Variants in CLPB observed in about 807,000 individuals in gnomAD.
CLPB encodes the protein mitochondrial disaggregase.
A neutral mutation model predicts 78.4 loss-of-function variants in CLPB; 40 were observed. The observed-to-expected ratio is 0.51, with a 90% CI of 0.40 to 0.66. The LOEUF (loss-of-function observed/expected upper bound fraction) is 0.66. CLPB is among the 30% of genes least tolerant of loss of function. The pLI is 0.00. For synonymous variants in CLPB, 333 were observed against 348.0 expected, an observed-to-expected ratio of 0.96 and a Z score of 0.48; for missense variants, 780 against 886.9, an observed-to-expected ratio of 0.88 and a Z score of 1.53.
rs571964389 is a variant in CLPB at position 72,362,712 on chromosome 11, G to T, written c.647-3704C>A. ...GATTAAATGAGACACTATGAATAAA[G>T]GGGCTGGGTACAGTGCCTAGCATAT... On this transcript the variant is annotated intron_variant, in intron 4 of 15. Transcript: ENST00000538039. 2.6e-5 allele frequency among the ~76,000 whole-genome samples: 4 copies of T among 152,290 alleles called. No homozygotes were observed. The South Asian group carries it at 6.2e-4, about 24-fold the overall frequency.
chr11:72,371,030 C>T (rs60136722), intron 4 of CLPB, among the ~76,000 whole-genome samples: 2,794 of 152,238 alleles, frequency 0.018, 90 homozygotes, highest in African/African-American at 0.064. Flanking sequence ...CGTCTATCAG[C>T]GTGAAACATA....
At chr11:72,348,804 C>T (rs1031767405) in intron 5 of CLPB, among the ~76,000 whole-genome samples, 1 of 152,158 alleles carries the variant, frequency 6.6e-6, no homozygotes, top group Non-Finnish European at 1.5e-5. Context: ...TCTTGGCATG[C>T]CTAGTACCCA....
chr11:72,353,706 C>T (rs1416272526), intron 5 of CLPB, among the ~76,000 whole-genome samples: 2 of 152,108 alleles, frequency 1.3e-5, no homozygotes, highest in African/African-American at 4.8e-5. Flanking sequence ...GGAAAGACTT[C>T]AGAAGGAAGG....
intron 4 of CLPB, among the ~76,000 whole-genome samples, chr11:72,374,479 A>C (rs1164263132): frequency 6.6e-6 from 1 of 152,166 alleles, no homozygotes; most frequent in East Asian, 1.9e-4. Flanking sequence ...GAAAGCAAAG[A>C]ACAATCAGGC....
At position 72,418,869 on chromosome 11, in the gene CLPB, A is replaced by T. The variant is rs555427661; in HGVS notation, c.455+11443T>A. ...ACTCCATCTCCAAAAAAAAAAAAAAAAAAGAAAAGAAAAGAAATCCACTTG... is the reference window on the plus strand; with the variant it reads ...ACTCCATCTCCAAAAAAAAAAAAAATAAAGAAAAGAAAAGAAATCCACTTG... On this transcript the variant is annotated intron_variant, in intron 2 of 15. Coordinates refer to ENST00000538039, the MANE Select transcript of CLPB (RefSeq NM_001258392.3). 4.6e-5 allele frequency among the ~76,000 whole-genome samples: 7 copies of T among 151,728 alleles called. No homozygotes were observed. The East Asian group carries it at 1.4e-3, about 29-fold the overall frequency.
chr11:72,331,670 G>C lies in CLPB; in HGVS notation c.776-1866C>G, dbSNP rs117015744. ...GTTCACTGCAACCTCCACCTCCTGG[G>C]ATCAAGCTATTCTCCACCTCAGCCT... On this transcript the variant is annotated intron_variant, in intron 5 of 15. Transcript: ENST00000538039. Among the ~76,000 whole-genome samples the C allele has an allele frequency of 2.7e-3, 400 of 148,652 alleles. 13 individuals are homozygous for C. The South Asian group carries it at 0.044, about 16-fold the overall frequency.
At chr11:72,331,383 G>A (rs1210475494) in intron 5 of CLPB, among the ~76,000 whole-genome samples, 2 of 149,526 alleles carry the variant, frequency 1.3e-5, no homozygotes, top group African/African-American at 2.5e-5. Flanking sequence ...TAGCCTGGGC[G>A]ACAGAGCGAG....
At chr11:72,380,876 G>GA (rs2135678719) in intron 3 of CLPB, among the ~76,000 whole-genome samples, 1 of 152,280 alleles carries the variant, frequency 6.6e-6, no homozygotes, top group South Asian at 2.1e-4. Flanking sequence ...AGTCTGCTGA[G>GA]AAAAACAATA....
chr11:72,410,414 A>T (rs1009470908), intron 2 of CLPB, among the ~76,000 whole-genome samples: 20 of 152,300 alleles, frequency 1.3e-4, no homozygotes, highest in Middle Eastern at 3.4e-3. Context: ...ACCCTACTAT[A>T]TATGTCACAT....
In CLPB at chr11:72,289,368, C is replaced by T. The variant is rs1949425506; in HGVS notation, c.*3999G>A. 1 of 152,102 alleles carries T rather than the reference C, an allele frequency of 6.6e-6. No homozygotes were observed. The highest frequency in any genetic ancestry group is 2.1e-4 in the South Asian group (1 of 4,826). 9.4% of individuals were successfully genotyped at this position (152,102 alleles called of 1,614,324 possible). A position where few individuals can be genotyped will look rare whatever the true frequency, so the allele number is the denominator to read the frequency against. ...ACGGACTGACAGCCGGGCATAAGACCTCTATCTAGTAGGAATACTGCACAC... is the reference window on the plus strand; with the variant it reads ...ACGGACTGACAGCCGGGCATAAGACTTCTATCTAGTAGGAATACTGCACAC... On this transcript the variant is annotated 3_prime_UTR_variant, in exon 16 of 16. Transcript: ENST00000538039.
chr11:72,410,238 AC>A (rs1210006072), intron 2 of CLPB, among the ~76,000 whole-genome samples: 30 of 152,228 alleles, frequency 2.0e-4, no homozygotes, highest in Admixed American at 1.6e-3. Flanking sequence ...CTCAAAAAAA[AC>A]AAAACAAACA....
At chr11:72,369,363 T>A (rs1951001507) in intron 4 of CLPB, among the ~76,000 whole-genome samples, 1 of 152,172 alleles carries the variant, frequency 6.6e-6, no homozygotes, top group African/African-American at 2.4e-5. Flanking sequence ...CACAAGTATC[T>A]AGATTCCCTT....
intron 3 of CLPB, among the ~76,000 whole-genome samples, chr11:72,393,108 G>C (rs140167797): frequency 3.7e-4 from 57 of 152,306 alleles, no homozygotes; most frequent in African/African-American, 1.3e-3. Context: ...TGATGGCCAA[G>C]GAATCAAGAT....
chr11:72,431,836 G>A (rs1291723386), intron 1 of CLPB, among the ~76,000 whole-genome samples: 1 of 152,202 alleles, frequency 6.6e-6, no homozygotes, highest in Non-Finnish European at 1.5e-5. Flanking sequence ...TAAGTCAGGG[G>A]ACAGGGTAGC....
chr11:72,359,101 T>G (rs780031273), intron 4 of CLPB, 93 bp from the exon 5 acceptor site: 47 of 1,580,052 alleles, frequency 3.0e-5, no homozygotes, highest in Admixed American at 2.3e-4. Flanking sequence ...ATTCACTCAC[T>G]CATCTACCTA....
chr11:72,308,228 G>A (rs1473460558), intron 8 of CLPB, among the ~76,000 whole-genome samples: 8 of 152,226 alleles, frequency 5.3e-5, no homozygotes, highest in Admixed American at 1.3e-4. Flanking sequence ...GAGGCTCTGC[G>A]CATGCAGAGT....
intron 4 of CLPB, chr11:72,372,880 T>C: frequency 1.3e-6 from 2 of 1,524,530 alleles, no homozygotes; most frequent in Non-Finnish European, 9.1e-7. Flanking sequence ...ATCCTTGGCA[T>C]GTCCTGGGGA....
At chr11:72,400,445 C>T (rs1421566473) in intron 3 of CLPB, among the ~76,000 whole-genome samples, 1 of 152,196 alleles carries the variant, frequency 6.6e-6, no homozygotes, top group Non-Finnish European at 1.5e-5. Context: ...TCAGTTAAGC[C>T]AACAACTCAT....
Position 72,421,784 on chromosome 11 carries a change from A to G in CLPB, c.455+8528T>C, listed in dbSNP as rs201753214. ...AAGTTATAGAGAAGCTGCTAATCCAACCTTTCCCAATTGCCTTCCATCACC... is the reference window on the plus strand; with the variant it reads ...AAGTTATAGAGAAGCTGCTAATCCAGCCTTTCCCAATTGCCTTCCATCACC... On this transcript the variant is annotated intron_variant, in intron 2 of 15. Transcript: ENST00000538039. Among the ~76,000 whole-genome samples, 50 of 152,256 alleles carry G rather than the reference A, an allele frequency of 3.3e-4. No individual in the cohort carries two copies. In the East Asian group the frequency reaches 8.7e-3, roughly 26 times the overall value.
Sources: gnomAD v4.1 joint callset for allele counts (sites outside exome capture counted in the v4.1 genomes callset) on GRCh38, gnomAD v4.1.1 for gene constraint, MANE v1.5 for transcripts, NCBI Gene and HGNC (gene_info 2026-07-23, HGNC 2026-07-21) for gene names.